Variants in HMCN1 observed in about 807,000 individuals in gnomAD.
HMCN1 encodes the protein hemicentin-1.
A neutral mutation model predicts 625.9 loss-of-function variants in HMCN1; 321 were observed. The observed-to-expected ratio is 0.51, with a 90% CI of 0.47 to 0.56. The LOEUF (loss-of-function observed/expected upper bound fraction) is 0.56, where lower values mean the gene tolerates loss of function less well. Among genes scored for constraint, HMCN1 ranks in the 20% least tolerant of loss-of-function variants. The pLI, the probability that HMCN1 is intolerant of heterozygous loss-of-function variation, is 0.00. For missense variants in HMCN1, 6,588 were observed against 6,887.3 expected, an observed-to-expected ratio of 0.96 and a Z score of 1.54; for synonymous variants, 2,425 against 2,417.6, an observed-to-expected ratio of 1.00 and a Z score of -0.09.
intron 1 of HMCN1, among the ~76,000 whole-genome samples, chr1:185,805,911 G>A (rs116394774): frequency 0.01 from 1,528 of 152,178 alleles, 11 homozygotes; most frequent in Non-Finnish European, 0.015. Flanking sequence ...CATGGTTAGG[G>A]CATGGTTCAT....
intron 48 of HMCN1, among the ~76,000 whole-genome samples, chr1:186,063,066 G>GTGTATATA (rs1491400415): frequency 1.1e-3 from 32 of 29,906 alleles, no homozygotes; most frequent in African/African-American, 2.7e-3. Context: ...GTGTGTGTGT[G>GTGTATATA]CATATATATA....
At chr1:186,047,852 A>C (rs1052328670) in intron 41 of HMCN1, among the ~76,000 whole-genome samples, 2 of 152,106 alleles carry the variant, frequency 1.3e-5, no homozygotes, top group African/African-American at 4.8e-5. Context: ...TATTGTTCAC[A>C]CCAATTGATT....
At chr1:185,861,786 T>C (rs1443345823) in intron 2 of HMCN1, among the ~76,000 whole-genome samples, 1 of 152,174 alleles carries the variant, frequency 6.6e-6, no homozygotes, top group Non-Finnish European at 1.5e-5. Context: ...TAAGCACATT[T>C]GACTGGAAAC....
chr1:185,795,976 G>C (rs1346361241), intron 1 of HMCN1, among the ~76,000 whole-genome samples: 4 of 152,090 alleles, frequency 2.6e-5, no homozygotes, highest in Admixed American at 6.5e-5. Context: ...ACAGATTTAA[G>C]GGGTAAAGTG....
intron 11 of HMCN1, among the ~76,000 whole-genome samples, chr1:185,950,057 G>C (rs538892711): frequency 4.8e-4 from 73 of 151,922 alleles, no homozygotes; most frequent in African/African-American, 1.7e-3. Context: ...AATCAAGCGT[G>C]ATCAGGGTGA....
chr1:186,140,228 T>C (rs1395954150), intron 89 of HMCN1, among the ~76,000 whole-genome samples: 1 of 152,170 alleles, frequency 6.6e-6, no homozygotes, highest in African/African-American at 2.4e-5. Context: ...TTTGTAACTC[T>C]TTTTCCCCCA....
chr1:186,031,215 T>C (rs1655412449), intron 36 of HMCN1, among the ~76,000 whole-genome samples: 1 of 152,026 alleles, frequency 6.6e-6, no homozygotes, highest in Non-Finnish European at 1.5e-5. Flanking sequence ...CTAGAATTCA[T>C]TGCTTTCCAT....
intron 28 of HMCN1, among the ~76,000 whole-genome samples, chr1:186,002,486 G>A (rs1168414344): frequency 6.6e-6 from 1 of 151,822 alleles, no homozygotes; most frequent in Non-Finnish European, 1.5e-5. Context: ...CTCCCATTAG[G>A]CTTCTCAAAG....
chr1:185,769,608 G>A (rs1286422192), intron 1 of HMCN1, among the ~76,000 whole-genome samples: 1 of 152,180 alleles, frequency 6.6e-6, no homozygotes, highest in Non-Finnish European at 1.5e-5. Flanking sequence ...AGCTTTTGCT[G>A]TGTAACAAAT....
chr1:186,017,077 G>C lies in HMCN1; in HGVS notation c.5300+6G>C, dbSNP rs375004486. The C allele has an allele frequency of 1.0e-5, 15 of 1,502,336 alleles. 1 individual carries two copies. The highest frequency in any genetic ancestry group is 8.3e-5 in the African/African-American group (6 of 72,574). 93.1% of individuals were successfully genotyped at this position (1,502,336 alleles called of 1,614,324 possible). On this transcript the variant is annotated splice_donor_region_variant and intron_variant, in intron 33 of 106. Transcript: ENST00000271588. ...TCTCCCCCACCAACTATCATGTAAG[G>C]GTTTTGGTATGTCTTCTAAATACCT...
In HMCN1 at chr1:185,800,995, C is replaced by T. The variant is rs60546696; in HGVS notation, c.269-45031C>T. On this transcript the variant is annotated intron_variant, in intron 1 of 106. Transcript: ENST00000271588. ...GCAGCTTTTAAAAACCTGTACAAAG[C>T]AAAAGATGAGATGTTTTGGATACAT... Among the ~76,000 whole-genome samples the T allele has an allele frequency of 9.1e-3, 1,388 of 152,158 alleles. 20 individuals carry two copies. The highest frequency in any genetic ancestry group is 0.03 in the African/African-American group (1,255 of 41,522).
Position 185,846,040 on chromosome 1 carries a change from A to T in HMCN1, c.283A>T (p.Thr95Ser). ...TATCTTCACAGAAATTGGCCCAGTGACAATTACCACAGATCCCAAGAAATT... is the reference window on the plus strand; with the variant it reads ...TATCTTCACAGAAATTGGCCCAGTGTCAATTACCACAGATCCCAAGAAATT... ...PFHDPEIGPV[T>S]ITTDPKKFQY... The change falls in exon 2 of 107, where the codon ACA (threonine) becomes TCA (serine). Residue 95 changes from threonine (T) to serine (S), a missense_variant. By Grantham distance (58) the Thr-to-Ser change is moderately conservative (BLOSUM62 1). Transcript: ENST00000271588. 6.2e-7 allele frequency: 1 copy of T among 1,610,216 alleles called. No individual in the cohort carries two copies. The highest frequency in any genetic ancestry group is 8.5e-7 in the Non-Finnish European group (1 of 1,176,656).
chr1:186,048,892 C>G, intron 42 of HMCN1, 53 bp downstream of exon 42: 1 of 1,076,202 alleles, frequency 9.3e-7, no homozygotes, highest in Non-Finnish European at 1.4e-6. Flanking sequence ...TTTTTTGTGT[C>G]ACTTAAAATG....
At chr1:186,045,277 CTG>C (rs1206309369) in intron 40 of HMCN1, among the ~76,000 whole-genome samples, 1 of 152,136 alleles carries the variant, frequency 6.6e-6, no homozygotes, top group African/African-American at 2.4e-5. Flanking sequence ...AATGTTGCCT[CTG>C]TGACTATGAC....
At position 185,965,905 on chromosome 1, in the gene HMCN1, A is replaced by G; in HGVS notation, c.2202A>G (p.Lys734=). 5 of 1,563,960 alleles carry G rather than the reference A, an allele frequency of 3.2e-6. No homozygotes were observed. The highest frequency in any genetic ancestry group is 4.4e-6 in the Non-Finnish European group (5 of 1,134,408). Reference sequence around the variant, plus strand: ...CTGGTATTCCTCCACCTCAAGTTAAATGGTTCAAAGGTACATTTCTTCAAT... The same window carrying G: ...CTGGTATTCCTCCACCTCAAGTTAAGTGGTTCAAAGGTACATTTCTTCAAT... ...KTSGIPPPQV[K]WFKGDLELRP... The change falls in exon 14 of 107, where the codon AAA becomes AAG. Residue 734 remains lysine, a synonymous_variant. Coordinates refer to ENST00000271588, the MANE Select transcript of HMCN1 (RefSeq NM_031935.3).
chr1:186,145,723 T>A (rs114672163), intron 92 of HMCN1, 30 bp from the exon 93 acceptor site: 21,127 of 1,614,102 alleles, frequency 0.013, 178 homozygotes, highest in Middle Eastern at 0.024. Flanking sequence ...GCCAATTTCT[T>A]AACAGTGACC....
chr1:186,081,401 G>A lies in HMCN1; in HGVS notation c.8787+7G>A, dbSNP rs1470443167. On this transcript the variant is annotated splice_region_variant and intron_variant, in intron 56 of 106. Coordinates refer to ENST00000271588, the MANE Select transcript of HMCN1 (RefSeq NM_031935.3). ...TAATGGACGAATTCTGCAGGTAAAA[G>A]TAAAGAAAGATCTAATTTTAAAAGA... is the stretch of plus-strand genomic sequence containing the variant. The A allele has an allele frequency of 2.5e-6, 4 of 1,597,496 alleles. No homozygotes were observed. Among genetic ancestry groups the A allele is most frequent in the Non-Finnish European group, 3.4e-6 (4 of 1,165,436 alleles).
intron 1 of HMCN1, among the ~76,000 whole-genome samples, chr1:185,811,099 C>T (rs1659486728): frequency 6.6e-6 from 1 of 152,188 alleles, no homozygotes; most frequent in South Asian, 2.1e-4. Context: ...GAGTTTTAGT[C>T]TCTTTCATTT....
intron 31 of HMCN1, 69 bp from the exon 32 acceptor site, chr1:186,015,889 T>G: frequency 7.1e-7 from 1 of 1,413,240 alleles, no homozygotes; most frequent in Non-Finnish European, 1.0e-6. Flanking sequence ...AAGCTCTTCT[T>G]TATTTCATTA....
Sources: gnomAD v4.1 joint callset for allele counts (sites outside exome capture counted in the v4.1 genomes callset) on GRCh38, gnomAD v4.1.1 for gene constraint, MANE v1.5 for transcripts, NCBI Gene and HGNC (gene_info 2026-07-23, HGNC 2026-07-21) for gene names.